The following FBN1 variants were observed in gnomAD, a reference collection of about 807,000 sequenced individuals.
FBN1 encodes fibrillin-1.
A neutral mutation model predicts 365.1 loss-of-function variants in FBN1; 29 were observed. The observed-to-expected ratio is 0.08, with a 90% CI of 0.06 to 0.11. The LOEUF (loss-of-function observed/expected upper bound fraction) is 0.11. FBN1 is among the 10% of genes least tolerant of loss of function. FBN1 has a pLI of 1.00. For missense variants in FBN1, 2,476 were observed against 3,703.2 expected (o/e 0.67, Z 8.60); for synonymous variants, 1,210 against 1,270.5 (o/e 0.95, Z 1.01).
chr15:48,480,386 G>A (rs1219089389), intron 32 of FBN1, among the ~76,000 whole-genome samples: 1 of 152,042 alleles, frequency 6.6e-6, no homozygotes, highest in Non-Finnish European at 1.5e-5. Context: ...TTGAACCATA[G>A]ACATACAAAG....
intron 6 of FBN1, among the ~76,000 whole-genome samples, chr15:48,569,413 T>C (rs2044288047): frequency 6.6e-6 from 1 of 152,102 alleles, no homozygotes; most frequent in Non-Finnish European, 1.5e-5. Context: ...AATTAGGCAG[T>C]TTCTTAAAAA....
intron 15 of FBN1, among the ~76,000 whole-genome samples, chr15:48,506,809 T>C (rs1177963154): frequency 6.6e-6 from 1 of 152,178 alleles, no homozygotes; most frequent in Non-Finnish European, 1.5e-5. Context: ...AAATCCAGTA[T>C]ACATGGGATT....
chr15:48,539,532 A>G (rs1181985019), intron 6 of FBN1, among the ~76,000 whole-genome samples: 1 of 152,224 alleles, frequency 6.6e-6, no homozygotes, highest in East Asian at 1.9e-4. Context: ...CAGCATAAAT[A>G]TATCAGACTC....
In FBN1 at chr15:48,585,550, A is replaced by G. The variant is rs73394261; in HGVS notation, c.538+10733T>C. Among the ~76,000 whole-genome samples, 981 of 152,362 alleles carry G rather than the reference A, an allele frequency of 6.4e-3. 10 individuals are homozygous for G. The highest frequency in any genetic ancestry group is 0.023 in the African/African-American group (954 of 41,592). On this transcript the variant is annotated intron_variant, in intron 6 of 65. Transcript: ENST00000316623. ...GTTGGATTAAACAGATGTATTTAAC[A>G]TTTAAACACTCCCTCTCATCGACTT...
chr15:48,582,530 T>C (rs2044402643), intron 6 of FBN1, among the ~76,000 whole-genome samples: 1 of 152,192 alleles, frequency 6.6e-6, no homozygotes, highest in Non-Finnish European at 1.5e-5. Flanking sequence ...TAGGTGGTTG[T>C]TGTTATTGTT....
intron 63 of FBN1, among the ~76,000 whole-genome samples, chr15:48,417,193 C>A (rs2042908647): frequency 6.6e-6 from 1 of 152,178 alleles, no homozygotes; most frequent in Non-Finnish European, 1.5e-5. Context: ...ACCTTCTTTG[C>A]TAAGGCACAT....
intron 5 of FBN1, among the ~76,000 whole-genome samples, chr15:48,596,586 G>A (rs2044517803): frequency 6.6e-6 from 1 of 152,224 alleles, no homozygotes; most frequent in Non-Finnish European, 1.5e-5. Context: ...TTGTATCTAT[G>A]TTAATGCTGA....
intron 2 of FBN1, among the ~76,000 whole-genome samples, chr15:48,637,143 T>C (rs1469836995): frequency 6.6e-6 from 1 of 152,170 alleles, no homozygotes; most frequent in African/African-American, 2.4e-5. Flanking sequence ...GAGTCTCTTC[T>C]TTCTTCACCC....
At chr15:48,492,852 G>A (rs2043573811) in intron 23 of FBN1, among the ~76,000 whole-genome samples, 1 of 152,202 alleles carries the variant, frequency 6.6e-6, no homozygotes. Context: ...GTGAGTTCTT[G>A]GAGACAGCTC....
chr15:48,451,808 T>C (rs4775762), intron 45 of FBN1, among the ~76,000 whole-genome samples: 116,399 of 152,114 alleles, frequency 0.77, 44,764 homozygotes, highest in East Asian at 0.93. Flanking sequence ...TATTATTTTG[T>C]TTCTGGGCTG....
At chr15:48,480,061 G>A (rs1440510644) in intron 32 of FBN1, among the ~76,000 whole-genome samples, 2 of 152,124 alleles carry the variant, frequency 1.3e-5, no homozygotes, top group African/African-American at 4.8e-5. Context: ...TAAATAACAT[G>A]AAAATTTAAG....
At position 48,497,400 on chromosome 15, in the gene FBN1, C is replaced by CA. The variant is rs762586890; in HGVS notation, c.2168-10dup. 1.9e-5 allele frequency: 30 copies of CA among 1,608,740 alleles called. No individual in the cohort carries two copies. The highest frequency in any genetic ancestry group is 2.4e-5 in the Non-Finnish European group (28 of 1,175,880). ...TGCACATTCATTTATATCTGCACCA[C>CA]AAAAAAGGTCAAAATCAATTAAGAT... is the stretch of plus-strand genomic sequence containing the variant. On this transcript the variant is annotated splice_polypyrimidine_tract_variant and intron_variant, in intron 18 of 65. Coordinates refer to ENST00000316623, the MANE Select transcript of FBN1 (RefSeq NM_000138.5).
At chr15:48,551,303 T>C (rs1296166604) in intron 6 of FBN1, among the ~76,000 whole-genome samples, 2 of 152,154 alleles carry the variant, frequency 1.3e-5, no homozygotes, top group African/African-American at 4.8e-5. Flanking sequence ...ATCCCGCTAT[T>C]CTTAGAAACA....
intron 6 of FBN1, among the ~76,000 whole-genome samples, chr15:48,580,636 T>C (rs1187299615): frequency 6.6e-6 from 1 of 152,168 alleles, no homozygotes; most frequent in Non-Finnish European, 1.5e-5. Flanking sequence ...TGCTAGACTA[T>C]GCCAAAAGCC....
intron 6 of FBN1, among the ~76,000 whole-genome samples, chr15:48,593,454 A>G (rs2044494446): frequency 6.6e-6 from 1 of 152,326 alleles, no homozygotes; most frequent in Admixed American, 6.5e-5. Flanking sequence ...TAACTGAAAA[A>G]TGACAGTCTT....
At chr15:48,496,325 T>A in intron 19 of FBN1, 100 bp from the exon 20 acceptor site, 1 of 1,504,410 alleles carries the variant, frequency 6.6e-7, no homozygotes, top group Non-Finnish European at 9.2e-7. Context: ...AACGACGTGA[T>A]CAATTCAAGC....
chr15:48,504,282 G>C (rs972298098), intron 16 of FBN1, among the ~76,000 whole-genome samples: 5 of 152,194 alleles, frequency 3.3e-5, no homozygotes, highest in African/African-American at 1.2e-4. Context: ...TTGAATTAAT[G>C]ATGGATGAAT....
chr15:48,465,090 A>G (rs1566903826), intron 40 of FBN1, among the ~76,000 whole-genome samples: 1 of 152,210 alleles, frequency 6.6e-6, no homozygotes, highest in African/African-American at 2.4e-5. Flanking sequence ...CCTTTCCAGT[A>G]ACACAGGATG....
At chr15:48,482,413 T>G (rs2043472097) in intron 31 of FBN1, among the ~76,000 whole-genome samples, 1 of 152,118 alleles carries the variant, frequency 6.6e-6, no homozygotes, top group African/African-American at 2.4e-5. Flanking sequence ...AGACAATAGA[T>G]ACCTTAAAAA....
Sources: gnomAD v4.1 joint callset for allele counts (sites outside exome capture counted in the v4.1 genomes callset) on GRCh38, gnomAD v4.1.1 for gene constraint, MANE v1.5 for transcripts, NCBI Gene and HGNC (gene_info 2026-07-23, HGNC 2026-07-21) for gene names.